Variants in CARMIL1 observed in about 807,000 individuals in gnomAD.
CARMIL1 encodes F-actin-uncapping protein LRRC16A.
CARMIL1 carries 90 observed loss-of-function variants against 177.1 expected under a neutral mutation model. That is an observed-to-expected ratio of 0.51 (90% CI 0.43 to 0.61). The LOEUF is 0.61. Ranked by LOEUF, CARMIL1 falls within the 20% of genes least tolerant of loss-of-function variation. The pLI is 0.00. For missense variants in CARMIL1, 1,380 were observed against 1,667.0 expected (o/e 0.83, Z 3.00); for synonymous variants, 577 against 606.2 (o/e 0.95, Z 0.71).
chr6:25,317,056 G>T (rs1168342640), intron 2 of CARMIL1, among the ~76,000 whole-genome samples: 2 of 152,182 alleles, frequency 1.3e-5, no homozygotes, highest in African/African-American at 4.8e-5. Flanking sequence ...GTCACTGAGG[G>T]TACTGAGCGT....
At chr6:25,362,664 C>T (rs995616832) in intron 2 of CARMIL1, among the ~76,000 whole-genome samples, 3 of 151,744 alleles carry the variant, frequency 2.0e-5, no homozygotes, top group South Asian at 2.1e-4. Context: ...ACAGAGACTC[C>T]GTCTCAAAAA....
chr6:25,619,373 A>G, intron 36 of CARMIL1, 74 bp from the exon 37 acceptor site: 1 of 1,463,642 alleles, frequency 6.8e-7, no homozygotes, highest in Non-Finnish European at 9.2e-7. Context: ...AGGCTACTGC[A>G]TCTCAGCCCA....
chr6:25,344,920 T>C (rs566711007), intron 2 of CARMIL1, among the ~76,000 whole-genome samples: 4 of 152,338 alleles, frequency 2.6e-5, no homozygotes, highest in African/African-American at 9.6e-5. Context: ...TTATTTTTCT[T>C]ATTAAATAAA....
chr6:25,322,701 A>C (rs1476871090), intron 2 of CARMIL1, among the ~76,000 whole-genome samples: 1 of 152,212 alleles, frequency 6.6e-6, no homozygotes, highest in African/African-American at 2.4e-5. Flanking sequence ...TACTGGGTTG[A>C]TAGTCTTGGA....
intron 2 of CARMIL1, among the ~76,000 whole-genome samples, chr6:25,289,498 A>G (rs541896332): frequency 1.3e-5 from 2 of 152,338 alleles, no homozygotes; most frequent in African/African-American, 2.4e-5. Flanking sequence ...GCAAAATTAC[A>G]GTATAATGTC....
At chr6:25,339,725 G>A in intron 2 of CARMIL1, among the ~76,000 whole-genome samples, 1 of 152,316 alleles carries the variant, frequency 6.6e-6, no homozygotes, top group East Asian at 1.9e-4. Flanking sequence ...GGATAGTGGT[G>A]TAGATGCAGG....
chr6:25,382,680 G>A (rs1174998964), intron 2 of CARMIL1, among the ~76,000 whole-genome samples: 6 of 152,200 alleles, frequency 3.9e-5, no homozygotes, highest in Admixed American at 6.5e-5. Context: ...GCTGATTGGT[G>A]CATTTACAAT....
intron 9 of CARMIL1, among the ~76,000 whole-genome samples, chr6:25,466,825 C>A (rs1188289431): frequency 6.6e-6 from 1 of 152,130 alleles, no homozygotes; most frequent in Non-Finnish European, 1.5e-5. Flanking sequence ...GGACTAAACT[C>A]ATTTGGGGTC....
intron 19 of CARMIL1, 29 bp downstream of exon 19, chr6:25,510,635 AATG>A: frequency 1.3e-6 from 2 of 1,506,938 alleles, no homozygotes; most frequent in Non-Finnish European, 1.8e-6. Context: ...TTTATATGAC[AATG>A]ATGAAAATAA....
intron 16 of CARMIL1, among the ~76,000 whole-genome samples, chr6:25,497,056 T>C (rs1307275117): frequency 6.6e-6 from 1 of 152,234 alleles, no homozygotes; most frequent in African/African-American, 2.4e-5. Flanking sequence ...CAGTAGTCTC[T>C]TCAGCTCTGT....
At chr6:25,540,140 T>C in intron 26 of CARMIL1, 62 bp downstream of exon 26, 2 of 1,443,280 alleles carry the variant, frequency 1.4e-6, no homozygotes, top group Non-Finnish European at 1.9e-6. Flanking sequence ...ATGATAGCAT[T>C]TCATTCCATA....
At chr6:25,616,415 T>A (rs1049355047) in intron 36 of CARMIL1, among the ~76,000 whole-genome samples, 2 of 151,684 alleles carry the variant, frequency 1.3e-5, no homozygotes, top group African/African-American at 4.8e-5. Flanking sequence ...AAAATAAAAA[T>A]AAAAAATTAG....
At chr6:25,561,138 C>T (rs1266216613) in intron 29 of CARMIL1, among the ~76,000 whole-genome samples, 1 of 152,136 alleles carries the variant, frequency 6.6e-6, no homozygotes, top group Non-Finnish European at 1.5e-5. Flanking sequence ...CAGTTGGGTG[C>T]TCTTAGGAAA....
rs916893004 is a variant in CARMIL1, at chr6:25,554,222, A to G, written c.2592+126A>G. 1.4e-6 allele frequency: 1 copy of G among 717,014 alleles called. No homozygotes were observed. The highest frequency in any genetic ancestry group is 2.4e-6 in the Non-Finnish European group (1 of 423,280). The allele number at this position is 717,014 out of a possible 1,614,324, so 44.4% of individuals were successfully genotyped here. A position where few individuals can be genotyped will look rare whatever the true frequency, so the allele number is the denominator to read the frequency against. ...CACTATTACAGCTTTATGGTTTGTG[A>G]TCTTGGTTTTCCTCCTTTCTCTTCT... is the stretch of plus-strand genomic sequence containing the variant. On this transcript the variant is annotated intron_variant, in intron 28 of 36. Transcript: ENST00000329474. This position sits in a 1 kb window ranked among gnomAD's most constrained non-coding sequence, Gnocchi z 4.6.
intron 32 of CARMIL1, among the ~76,000 whole-genome samples, chr6:25,599,657 A>C (rs1431432800): frequency 6.6e-6 from 1 of 152,132 alleles, no homozygotes; most frequent in East Asian, 1.9e-4. Flanking sequence ...TGAGAAGCAA[A>C]GTTTGGTTTA....
At chr6:25,381,297 A>G (rs1401465187) in intron 2 of CARMIL1, among the ~76,000 whole-genome samples, 1 of 152,252 alleles carries the variant, frequency 6.6e-6, no homozygotes, top group African/African-American at 2.4e-5. Flanking sequence ...GACCTAAGCC[A>G]TTCTGGCCCT....
At chr6:25,602,207 C>G (rs1187296564) in intron 33 of CARMIL1, among the ~76,000 whole-genome samples, 5 of 152,132 alleles carry the variant, frequency 3.3e-5, no homozygotes, top group Non-Finnish European at 5.9e-5. Context: ...ACTGAGCAAC[C>G]CTTAGAGTTG....
chr6:25,526,236 G>A (rs1033550133), intron 23 of CARMIL1, among the ~76,000 whole-genome samples: 1 of 151,834 alleles, frequency 6.6e-6, no homozygotes, highest in Non-Finnish European at 1.5e-5. Flanking sequence ...CCAGCTACTC[G>A]GGAGGCTGAG....
At chr6:25,440,141 T>C (rs187487898) in intron 5 of CARMIL1, among the ~76,000 whole-genome samples, 1 of 152,206 alleles carries the variant, frequency 6.6e-6, no homozygotes, top group South Asian at 2.1e-4. Flanking sequence ...TGTTGGGTGA[T>C]GTACCATGGG....
Sources: gnomAD v4.1 joint callset for allele counts (sites outside exome capture counted in the v4.1 genomes callset) on GRCh38, gnomAD v4.1.1 for gene constraint, Gnocchi (gnomAD v3.1) non-coding constraint, MANE v1.5 for transcripts, NCBI Gene and HGNC (gene_info 2026-07-23, HGNC 2026-07-21) for gene names.